The following ENTREP2 variants were observed in gnomAD, a reference collection of about 807,000 sequenced individuals.
ENTREP2 encodes endosomal transmembrane epsin interactor 2.
At chr15:29,621,856 C>T in the ENTREP2 span, among the ~76,000 whole-genome samples, 1 of 152,134 alleles carries the variant, frequency 6.6e-6, no homozygotes, top group African/African-American at 2.4e-5. Flanking sequence ...AAAGTGGAAG[C>T]AAGCCAAGCA....
At chr15:29,241,855 A>C in the ENTREP2 span, among the ~76,000 whole-genome samples, 2 of 126,956 alleles carry the variant, frequency 1.6e-5, no homozygotes, top group Non-Finnish European at 3.5e-5. Context: ...CAATACAGTG[A>C]GACCCCCCCC....
At chr15:29,268,197 G>A in the ENTREP2 span, 1 of 152,000 alleles carries the variant, frequency 6.6e-6, no homozygotes, top group Admixed American at 6.5e-5. Flanking sequence ...ACAGTAGCAA[G>A]AAGAAAAAAA....
the ENTREP2 span, among the ~76,000 whole-genome samples, chr15:29,167,662 A>C: frequency 9.2e-5 from 14 of 152,296 alleles, no homozygotes; most frequent in South Asian, 8.3e-4. Context: ...AAAAATCAAC[A>C]AACAGTAGAT....
At chr15:29,482,164 A>ATTTT in the ENTREP2 span, among the ~76,000 whole-genome samples, 4,052 of 135,130 alleles carry the variant, frequency 0.03, 223 homozygotes, top group African/African-American at 0.11. Flanking sequence ...CAGGCAGCTA[A>ATTTT]TTTTTTTTTT....
chr15:29,493,735 G>A, the ENTREP2 span, among the ~76,000 whole-genome samples: 1 of 152,094 alleles, frequency 6.6e-6, no homozygotes, highest in East Asian at 1.9e-4. Flanking sequence ...CAGCACTTTC[G>A]GAGGCTGAGG....
At chr15:29,549,293 G>A in the ENTREP2 span, among the ~76,000 whole-genome samples, 6,391 of 148,856 alleles carry the variant, frequency 0.043, 462 homozygotes, top group African/African-American at 0.15. Flanking sequence ...TTTTTGAGAC[G>A]GAGTCTCACT....
At chr15:29,210,715 C>T in the ENTREP2 span, among the ~76,000 whole-genome samples, 2 of 152,150 alleles carry the variant, frequency 1.3e-5, no homozygotes, top group Non-Finnish European at 2.9e-5. Context: ...TGCCCTAGAT[C>T]CCTCTGAGCT....
At chr15:29,208,001 T>C in the ENTREP2 span, among the ~76,000 whole-genome samples, 1 of 152,288 alleles carries the variant, frequency 6.6e-6, no homozygotes, top group East Asian at 1.9e-4. Flanking sequence ...ACCCCCACGC[T>C]GGCCCCTCCT....
the ENTREP2 span, among the ~76,000 whole-genome samples, chr15:29,421,916 G>A: frequency 1.3e-5 from 2 of 152,170 alleles, no homozygotes; most frequent in African/African-American, 4.8e-5. Context: ...CTGGACAGCA[G>A]CCAACATCCT....
chr15:29,480,178 G>C, the ENTREP2 span, among the ~76,000 whole-genome samples: 2 of 151,656 alleles, frequency 1.3e-5, no homozygotes, highest in African/African-American at 4.9e-5. Flanking sequence ...TCTTCTTACT[G>C]ATTCAAGTTA....
At chr15:29,580,819 C>T in the ENTREP2 span, among the ~76,000 whole-genome samples, 1 of 152,178 alleles carries the variant, frequency 6.6e-6, no homozygotes, top group Non-Finnish European at 1.5e-5. Context: ...GAATTTCCCA[C>T]AGTGTACAGA....
chr15:29,486,039 G>T, the ENTREP2 span, among the ~76,000 whole-genome samples: 2 of 152,200 alleles, frequency 1.3e-5, no homozygotes, highest in Admixed American at 6.5e-5. Flanking sequence ...AAATCAGTAT[G>T]TTGAAGAGAT....
At chr15:29,545,565 T>C in the ENTREP2 span, among the ~76,000 whole-genome samples, 7 of 152,206 alleles carry the variant, frequency 4.6e-5, no homozygotes, top group Non-Finnish European at 1.0e-4. Flanking sequence ...ATAGTATTTC[T>C]TTTTTCTAAA....
the ENTREP2 span, among the ~76,000 whole-genome samples, chr15:29,175,742 T>A: frequency 1.3e-5 from 2 of 152,316 alleles, no homozygotes; most frequent in Admixed American, 1.3e-4. Flanking sequence ...GTAGCTGAGA[T>A]TACAGGTGCC....
the ENTREP2 span, among the ~76,000 whole-genome samples, chr15:29,260,854 T>C: frequency 6.6e-6 from 1 of 152,152 alleles, no homozygotes; most frequent in African/African-American, 2.4e-5. Context: ...TATGTTAATA[T>C]AATACTAAAA....
chr15:29,481,005 C>T, the ENTREP2 span, among the ~76,000 whole-genome samples: 1 of 152,152 alleles, frequency 6.6e-6, no homozygotes, highest in African/African-American at 2.4e-5. Flanking sequence ...AGACCATACC[C>T]CAGCATGGGA....
At chr15:29,131,469 CAAAGCCATAAAATA>C in the ENTREP2 span, among the ~76,000 whole-genome samples, 1 of 150,888 alleles carries the variant, frequency 6.6e-6, no homozygotes, top group Non-Finnish European at 1.5e-5. Context: ...GTTTGACATC[CAAAGCCATAAAATA>C]TCTGCCCAAA....
chr15:29,328,561 A>G, the ENTREP2 span, among the ~76,000 whole-genome samples: 2 of 152,218 alleles, frequency 1.3e-5, no homozygotes, highest in African/African-American at 4.8e-5. Flanking sequence ...AAAATCATGG[A>G]GTCTGTAATA....
chr15:29,329,439 C>T, the ENTREP2 span, among the ~76,000 whole-genome samples: 1 of 152,014 alleles, frequency 6.6e-6, no homozygotes, highest in Admixed American at 6.6e-5. Context: ...ATTGACCGCA[C>T]CTAACTGAAA....
Sources: allele counts gnomAD v4.1 joint callset (sites outside exome capture counted in the v4.1 genomes callset), GRCh38; gene constraint gnomAD v4.1.1; transcripts MANE v1.5; gene names NCBI Gene and HGNC (gene_info 2026-07-23, HGNC 2026-07-21).